CCDC192: variants seen among roughly 807,000 people sequenced by gnomAD.
CCDC192 encodes the protein coiled-coil domain containing 192.
intron 2 of CCDC192, among the ~76,000 whole-genome samples, chr5:127,719,518 TATATATACACACATAC>T (rs1751855269): frequency 8.5e-6 from 1 of 117,572 alleles, no homozygotes; most frequent in Admixed American, 1.1e-4. Flanking sequence ...TATATATATA[TATATATACACACATAC>T]ATATATATAT....
chr5:127,763,416 A>G (rs978919491), intron 3 of CCDC192, among the ~76,000 whole-genome samples: 6 of 151,520 alleles, frequency 4.0e-5, no homozygotes, highest in African/African-American at 1.5e-4. Context: ...TTTTTTCTCT[A>G]TCTCCACTAT....
At chr5:127,913,512 A>G (rs770243937) in intron 6 of CCDC192, among the ~76,000 whole-genome samples, 2 of 152,218 alleles carry the variant, frequency 1.3e-5, no homozygotes, top group Admixed American at 6.5e-5. Context: ...GCTGCTTTTT[A>G]TTAGAAATGG....
chr5:127,814,747 A>G (rs1481990773), intron 5 of CCDC192, among the ~76,000 whole-genome samples: 1 of 152,142 alleles, frequency 6.6e-6, no homozygotes, highest in Non-Finnish European at 1.5e-5. Context: ...CAGCAAAGCA[A>G]TCCCTTGCTG....
chr5:127,787,880 G>C (rs1756639310), intron 3 of CCDC192, among the ~76,000 whole-genome samples: 1 of 152,050 alleles, frequency 6.6e-6, no homozygotes, highest in African/African-American at 2.4e-5. Flanking sequence ...TGAGGAGTTT[G>C]AGACCAACCT....
intron 5 of CCDC192, among the ~76,000 whole-genome samples, chr5:127,809,888 T>C (rs1382616743): frequency 1.3e-5 from 2 of 152,202 alleles, no homozygotes; most frequent in Non-Finnish European, 2.9e-5. Flanking sequence ...TGAAATCTTC[T>C]CATTTGTAAA....
chr5:127,715,727 CATTT>C (rs941274834), intron 2 of CCDC192, among the ~76,000 whole-genome samples: 2 of 152,096 alleles, frequency 1.3e-5, no homozygotes, highest in Middle Eastern at 3.4e-3. Flanking sequence ...GAAATCTTTC[CATTT>C]ATTTGTGTAC....
intron 2 of CCDC192, among the ~76,000 whole-genome samples, chr5:127,716,545 T>C (rs142513194): frequency 6.6e-6 from 1 of 152,348 alleles, no homozygotes; most frequent in East Asian, 1.9e-4. Context: ...GAGATTTTTA[T>C]TACTGATTCA....
chr5:127,938,274 A>G (rs1313519671), intron 6 of CCDC192, among the ~76,000 whole-genome samples: 1 of 152,254 alleles, frequency 6.6e-6, no homozygotes, highest in Non-Finnish European at 1.5e-5. Context: ...CATTCAGGCA[A>G]GAAATCACCC....
At chr5:127,749,819 A>G (rs1001762589) in intron 2 of CCDC192, among the ~76,000 whole-genome samples, 1 of 152,108 alleles carries the variant, frequency 6.6e-6, no homozygotes, top group Non-Finnish European at 1.5e-5. Context: ...CAGAGATTCA[A>G]CTTCTTCCTG....
intron 2 of CCDC192, among the ~76,000 whole-genome samples, chr5:127,745,958 C>T (rs554821807): frequency 6.6e-6 from 1 of 152,336 alleles, no homozygotes; most frequent in South Asian, 2.1e-4. Flanking sequence ...CACATATCCA[C>T]CTCCCAGACC....
chr5:127,752,915 G>A (rs1367304012), intron 2 of CCDC192, among the ~76,000 whole-genome samples: 4 of 152,206 alleles, frequency 2.6e-5, no homozygotes, highest in Non-Finnish European at 5.9e-5. Flanking sequence ...ACTAGGAAAG[G>A]GAACTCCCTG....
chr5:127,704,361 G>T lies in CCDC192; in HGVS notation c.62+854G>T, dbSNP rs912550607. On this transcript the variant is annotated intron_variant, in intron 1 of 6. Coordinates refer to ENST00000514853, the MANE Select transcript of CCDC192 (RefSeq NM_001317938.2). ...CTGCCATCATGCCCAGCTAATTTTT[G>T]TATTTTTGTAGAGACAGGCTTTCAC... Among the ~76,000 whole-genome samples the T allele has an allele frequency of 9.2e-5, 14 of 152,262 alleles. No homozygotes were observed. The Middle Eastern group carries it at 0.01, about 111-fold the overall frequency.
chr5:127,917,163 T>G (rs550742859), intron 6 of CCDC192, among the ~76,000 whole-genome samples: 3 of 152,360 alleles, frequency 2.0e-5, no homozygotes, highest in Non-Finnish European at 4.4e-5. Flanking sequence ...AGCTTCCAGC[T>G]TTTCTACTTC....
intron 3 of CCDC192, among the ~76,000 whole-genome samples, chr5:127,779,223 A>C (rs1440179252): frequency 6.6e-6 from 1 of 152,180 alleles, no homozygotes; most frequent in Admixed American, 6.5e-5. Context: ...TCTGCATCAC[A>C]TAAGTTTTTT....
At chr5:127,816,152 T>C (rs960418155) in intron 5 of CCDC192, among the ~76,000 whole-genome samples, 1 of 152,062 alleles carries the variant, frequency 6.6e-6, no homozygotes, top group Non-Finnish European at 1.5e-5. Flanking sequence ...TGATTTGGAG[T>C]TAGTGTTCTG....
chr5:127,841,290 G>T (rs1308518202), intron 5 of CCDC192, among the ~76,000 whole-genome samples: 4 of 152,128 alleles, frequency 2.6e-5, no homozygotes, highest in African/African-American at 9.7e-5. Context: ...TTATAACCTG[G>T]AAGAGCTGAG....
chr5:127,901,068 A>G (rs939352340), intron 6 of CCDC192, among the ~76,000 whole-genome samples: 4 of 152,246 alleles, frequency 2.6e-5, no homozygotes, highest in African/African-American at 9.6e-5. Context: ...AAGCAGAAAT[A>G]TAAATTAGTC....
chr5:127,785,167 G>C (rs1267337074), intron 3 of CCDC192: 6 of 527,424 alleles, frequency 1.1e-5, no homozygotes, highest in Non-Finnish European at 2.3e-5. Flanking sequence ...AAAGCAGTTA[G>C]TTACCAATTC....
intron 2 of CCDC192, among the ~76,000 whole-genome samples, chr5:127,724,356 T>C (rs1752191234): frequency 6.6e-6 from 1 of 152,184 alleles, no homozygotes; most frequent in Admixed American, 6.5e-5. Context: ...GGTGACTACA[T>C]TCTGAATCCT....
Sources: allele counts gnomAD v4.1 joint callset (sites outside exome capture counted in the v4.1 genomes callset), GRCh38; gene constraint gnomAD v4.1.1; transcripts MANE v1.5; gene names NCBI Gene and HGNC (gene_info 2026-07-23, HGNC 2026-07-21).